The following PLD1 variants were observed in gnomAD, a reference collection of about 807,000 sequenced individuals.
The protein encoded by PLD1 is phospholipase D1.
PLD1 carries 112 observed loss-of-function variants against 137.1 expected under a neutral mutation model. The ratio of observed to expected loss-of-function variants is 0.82; its 90% CI spans 0.70 to 0.96. The LOEUF is 0.96. Among genes scored for constraint, PLD1 ranks in the 40% least tolerant of loss-of-function variants. PLD1 has a pLI of 0.00. For synonymous variants in PLD1, 431 were observed against 454.7 expected (o/e 0.95, Z 0.66); for missense variants, 1,321 against 1,342.0 (o/e 0.98, Z 0.24).
intron 23 of PLD1, among the ~76,000 whole-genome samples, chr3:171,634,368 C>T (rs934179390): frequency 7.9e-5 from 12 of 152,094 alleles, no homozygotes; most frequent in East Asian, 1.9e-4. Context: ...TCCTCACCTG[C>T]GCATTTTTAC....
chr3:171,708,847 C>T lies in PLD1; in HGVS notation c.1062-9G>A. 6.7e-7 allele frequency: 1 copy of T among 1,495,772 alleles called. No homozygotes were observed. The highest frequency in any genetic ancestry group is 9.3e-7 in the Non-Finnish European group (1 of 1,072,894). 92.7% of individuals were successfully genotyped at this position (1,495,772 alleles called of 1,614,324 possible). ...CTTTGGCATTAACATACCTGAAAGA[C>T]AAGTTTATTGTTCCTTTTTGTTATT... On this transcript the variant is annotated splice_polypyrimidine_tract_variant and intron_variant, in intron 10 of 26. Coordinates refer to ENST00000351298, the MANE Select transcript of PLD1 (RefSeq NM_002662.5).
chr3:171,723,871 G>C (rs1319298813), intron 8 of PLD1, among the ~76,000 whole-genome samples: 2 of 152,032 alleles, frequency 1.3e-5, no homozygotes, highest in Non-Finnish European at 2.9e-5. Flanking sequence ...TTATCAGATA[G>C]GTAGTTTGTA....
chr3:171,684,474 G>A (rs1300277723), intron 16 of PLD1, among the ~76,000 whole-genome samples: 1 of 152,084 alleles, frequency 6.6e-6, no homozygotes, highest in African/African-American at 2.4e-5. Flanking sequence ...GCTTTGTCAT[G>A]CACAGGAATT....
rs1578095897 is a variant in PLD1, at chr3:171,610,688, C to T, written c.2882+1591G>A. On this transcript the variant is annotated intron_variant, in intron 25 of 26. Transcript: ENST00000351298. ...AGGAAGTATTTGTCTTTTATGTATG[C>T]CGCAGTAGGCAATCAATGGGTTAAT... Among the ~76,000 whole-genome samples the T allele has an allele frequency of 2.6e-5, 4 of 152,284 alleles. No homozygotes were observed. In the Middle Eastern group the frequency reaches 0.01, roughly 388 times the overall value.
At chr3:171,756,497 G>A (rs1207249457) in intron 1 of PLD1, among the ~76,000 whole-genome samples, 1 of 152,186 alleles carries the variant, frequency 6.6e-6, no homozygotes, top group Non-Finnish European at 1.5e-5. Context: ...AAGAAGCAAT[G>A]CAATATTTAA....
In PLD1 at chr3:171,688,826, G is replaced by C; in HGVS notation, c.1389C>G (p.His463Gln). 4 of 1,614,020 alleles carry C rather than the reference G, an allele frequency of 2.5e-6. No homozygotes were observed. The highest frequency in any genetic ancestry group is 3.4e-6 in the Non-Finnish European group (4 of 1,180,000). ...HVSSTVYLWA[H>Q]HEKLVIIDQS... is the part of the protein sequence containing the mutation. ...GGTCAATGATGACAAGCTTCTCATG[G>C]TGAGCCCACAAATAGACGGTGGATG... Residue 463 changes from histidine to glutamine, a missense_variant, in exon 14 of 27, where the codon CAC (histidine) becomes CAG (glutamine). By Grantham distance (24) the His-to-Gln change is conservative (BLOSUM62 0). Coordinates refer to ENST00000351298, the MANE Select transcript of PLD1 (RefSeq NM_002662.5).
chr3:171,689,261 G>T (rs988334389), intron 13 of PLD1, among the ~76,000 whole-genome samples: 1 of 151,984 alleles, frequency 6.6e-6, no homozygotes, highest in African/African-American at 2.4e-5. Flanking sequence ...CTGGAAAAAT[G>T]TGTAATGAAT....
chr3:171,679,391 G>A (rs1304503431), intron 16 of PLD1, among the ~76,000 whole-genome samples: 1 of 152,168 alleles, frequency 6.6e-6, no homozygotes, highest in Non-Finnish European at 1.5e-5. Flanking sequence ...CCTGCTTTAT[G>A]AGACTGAAAG....
At position 171,612,405 on chromosome 3, in the gene PLD1, A is replaced by G; in HGVS notation, c.2756T>C (p.Met919Thr). 6.2e-7 allele frequency: 1 copy of G among 1,614,140 alleles called. No individual in the cohort carries two copies. Among genetic ancestry groups the G allele is most frequent in the South Asian group, 1.1e-5 (1 of 91,072 alleles). ...CATTTCACTGTCACGCTTTCCCAGC[A>G]TGCTGCGGTCATTTATGTTGGCAGA... ...IGSANINDRSMLGKRDSEMAV... is the reference protein window; with the variant it reads ...IGSANINDRSTLGKRDSEMAV... Residue 919 changes from methionine to threonine, a missense_variant, in exon 25 of 27, where the codon ATG becomes ACG. By Grantham distance (81) the Met-to-Thr change is moderately conservative (BLOSUM62 -1). Transcript: ENST00000351298. This position sits in a 1 kb window ranked among gnomAD's most constrained non-coding sequence, Gnocchi z 4.1.
intron 1 of PLD1, among the ~76,000 whole-genome samples, chr3:171,800,625 A>G (rs1166146512): frequency 1.3e-5 from 2 of 152,260 alleles, no homozygotes; most frequent in East Asian, 1.9e-4. Flanking sequence ...CCTGGACCCA[A>G]TCTCTACTCC....
At position 171,749,833 on chromosome 3, in the gene PLD1, C is replaced by T. The variant is rs1337893243; in HGVS notation, c.-31-11751G>A. On this transcript the variant is annotated intron_variant, in intron 1 of 26. Transcript: ENST00000351298. ...AATTTTGCATAGGCTGACGCTTGAA[C>T]TACATAGGCATGGGATACATTCCAA... Among the ~76,000 whole-genome samples the T allele has an allele frequency of 2.0e-5, 3 of 152,210 alleles. No homozygotes were observed. The East Asian group carries it at 5.8e-4, about 29-fold the overall frequency.
chr3:171,623,965 A>G (rs1180556206), intron 23 of PLD1, among the ~76,000 whole-genome samples: 1 of 151,842 alleles, frequency 6.6e-6, no homozygotes, highest in African/African-American at 2.4e-5. Flanking sequence ...CTATACTTCA[A>G]ATGTAAGAAA....
chr3:171,746,155 C>G (rs369953569), intron 1 of PLD1, among the ~76,000 whole-genome samples: 1 of 152,220 alleles, frequency 6.6e-6, no homozygotes, highest in Non-Finnish European at 1.5e-5. Context: ...CTGCCATGCC[C>G]GAGCCCCTCC....
At chr3:171,767,103 C>T (rs1006860234) in intron 1 of PLD1, among the ~76,000 whole-genome samples, 2 of 152,162 alleles carry the variant, frequency 1.3e-5, no homozygotes, top group African/African-American at 4.8e-5. Flanking sequence ...CTCCTACTGG[C>T]CAAATTAAAA....
chr3:171,784,903 C>T (rs13098912), intron 1 of PLD1, among the ~76,000 whole-genome samples: 70,624 of 152,036 alleles, frequency 0.46, 17,192 homozygotes, highest in Middle Eastern at 0.72. Context: ...TAGTGGACAC[C>T]TCACACAGTG....
chr3:171,689,271 T>C (rs1714898374), intron 13 of PLD1, among the ~76,000 whole-genome samples: 1 of 152,100 alleles, frequency 6.6e-6, no homozygotes, highest in Admixed American at 6.5e-5. Flanking sequence ...GTGTAATGAA[T>C]TATATTGATA....
chr3:171,803,310 G>C (rs546093751), intron 1 of PLD1, among the ~76,000 whole-genome samples: 13 of 152,312 alleles, frequency 8.5e-5, no homozygotes, highest in African/African-American at 3.1e-4. Context: ...CACTGTGACG[G>C]TTGACAGAAA....
rs573013236 is a variant in PLD1 at position 171,692,352 on chromosome 3, G to A, written c.1318C>T (p.Arg440Cys). ...AATACCTTTATGTTGGGATGTAGACGCATCAAAGTCCTCTTGGTGTATTCA... is the reference window on the plus strand; with the variant it reads ...AATACCTTTATGTTGGGATGTAGACACATCAAAGTCCTCTTGGTGTATTCA... Reference protein sequence around the residue: ...NSEYTKRTLMRLHPNIKVMRH... With the variant: ...NSEYTKRTLMCLHPNIKVMRH... The change falls in exon 13 of 27, where the codon CGT (arginine) becomes TGT (cysteine). Residue 440 changes from arginine (R) to cysteine (C), a missense_variant. Arg to Cys is a radical substitution (Grantham distance 180). Transcript: ENST00000351298. 9.2e-6 allele frequency: 14 copies of A among 1,516,142 alleles called. No homozygotes were observed. Among genetic ancestry groups the A allele is most frequent in the Admixed American group, 5.0e-5 (3 of 59,834 alleles). 93.9% of individuals were successfully genotyped at this position (1,516,142 alleles called of 1,614,324 possible).
intron 26 of PLD1, among the ~76,000 whole-genome samples, chr3:171,604,861 T>C (rs1341111269): frequency 1.3e-5 from 2 of 152,244 alleles, no homozygotes; most frequent in African/African-American, 4.8e-5. Context: ...TTGTGAATAT[T>C]CCTCCCAATT....
Sources: gnomAD v4.1 joint callset for allele counts (sites outside exome capture counted in the v4.1 genomes callset) on GRCh38, gnomAD v4.1.1 for gene constraint, Gnocchi (gnomAD v3.1) non-coding constraint, MANE v1.5 for transcripts, NCBI Gene and HGNC (gene_info 2026-07-23, HGNC 2026-07-21) for gene names.